ACTN1: variants seen among roughly 807,000 people sequenced by gnomAD.
The protein encoded by ACTN1 is actinin alpha 1.
ACTN1 carries 30 observed loss-of-function variants against 119.6 expected under a neutral mutation model. That is an observed-to-expected ratio of 0.25 (90% CI 0.19 to 0.34). The LOEUF (loss-of-function observed/expected upper bound fraction) is 0.34, where lower values mean the gene tolerates loss of function less well. ACTN1 is among the 10% of genes least tolerant of loss of function. The pLI is 1.00. For synonymous variants in ACTN1, 429 were observed against 472.6 expected, an observed-to-expected ratio of 0.91 and a Z score of 1.20; for missense variants, 764 against 1,223.4, an observed-to-expected ratio of 0.62 and a Z score of 5.60.
rs143375732 is a variant in ACTN1, at chr14:68,959,916, C to T, written c.105+19036G>A. Among the ~76,000 whole-genome samples, 509 of 152,298 alleles carry T rather than the reference C, an allele frequency of 3.3e-3. 2 individuals are homozygous for T. The highest frequency in any genetic ancestry group is 0.011 in the African/African-American group (471 of 41,566). On this transcript the variant is annotated intron_variant, in intron 1 of 21. Coordinates refer to ENST00000394419, the MANE Select transcript of ACTN1 (RefSeq NM_001130004.2). ...GTTGTAGCCCAGTGTTGACTATAAGCCTTACCTATAACATAAACATTTGAT... is the reference window on the plus strand; with the variant it reads ...GTTGTAGCCCAGTGTTGACTATAAGTCTTACCTATAACATAAACATTTGAT...
At position 68,878,543 on chromosome 14, in the gene ACTN1, C is replaced by A. The variant is rs541973918; in HGVS notation, c.2362-20G>T. The A allele has an allele frequency of 8.2e-5, 132 of 1,611,632 alleles. No individual in the cohort carries two copies. Among genetic ancestry groups the A allele is most frequent in the Middle Eastern group, 3.3e-4 (2 of 6,056 alleles). ...CTTCTTCTGTGGGGGGCAGTGGTAC[C>A]AAGACACAAGGAGGGTCGGGAAGGC... On this transcript the variant is annotated intron_variant, in intron 19 of 21. Coordinates refer to ENST00000394419, the MANE Select transcript of ACTN1 (RefSeq NM_001130004.2). This position sits in a 1 kb window ranked among gnomAD's most constrained non-coding sequence, Gnocchi z 4.4.
chr14:68,962,606 C>A (rs529179652), intron 1 of ACTN1, among the ~76,000 whole-genome samples: 1 of 152,324 alleles, frequency 6.6e-6, no homozygotes, highest in South Asian at 2.1e-4. Context: ...ATGAAACTCT[C>A]GCCCAACCAT....
intron 1 of ACTN1, among the ~76,000 whole-genome samples, chr14:68,962,552 C>A (rs2036573815): frequency 1.3e-5 from 2 of 152,320 alleles, no homozygotes; most frequent in South Asian, 2.1e-4. Context: ...ACACCCCAGC[C>A]CTGCCTGCTT....
Position 68,979,127 on chromosome 14 carries a change from C to T in ACTN1, c.-71G>A. The T allele has an allele frequency of 1.5e-6, 1 of 682,782 alleles. No individual in the cohort carries two copies. Among genetic ancestry groups the T allele is most frequent in the Non-Finnish European group, 2.3e-6 (1 of 429,300 alleles). 42.3% of individuals were successfully genotyped at this position (682,782 alleles called of 1,614,324 possible). On this transcript the variant is annotated 5_prime_UTR_variant, in exon 1 of 22. Coordinates refer to ENST00000394419, the MANE Select transcript of ACTN1 (RefSeq NM_001130004.2). ...CTCTGAGCAACGGCTGCTGCCCTGG[C>T]GTGGGGAGGGAGTAGGGCTGGGCTG... is the stretch of plus-strand genomic sequence containing the variant.
Position 68,880,076 on chromosome 14 carries a change from G to C in ACTN1, c.2166C>G (p.Thr722=). 1 of 1,614,154 alleles carries C rather than the reference G, an allele frequency of 6.2e-7. No homozygotes were observed. The change falls in exon 18 of 22, where the codon ACC becomes ACG. Residue 722 remains threonine (T), a synonymous_variant. Transcript: ENST00000394419. This position sits in a 1 kb window ranked among gnomAD's most constrained non-coding sequence, Gnocchi z 4.6. The part of the protein sequence containing the change: ...HIRVGWEQLL[T]TIARTINEVE... The stretch of plus-strand genomic sequence containing the variant: ...CCTCATTGATGGTCCTGGCGATGGT[G>C]GTGAGCAGCTGCTCCCAGCCCACAC...
chr14:68,887,847 T>C (rs1485481207), intron 11 of ACTN1: 16 of 836,178 alleles, frequency 1.9e-5, no homozygotes, highest in Non-Finnish European at 3.2e-5. Context: ...TCACTTTTCA[T>C]TTCCCCGTTT....
At position 68,882,991 on chromosome 14, in the gene ACTN1, G is replaced by T; in HGVS notation, c.1700C>A (p.Ala567Asp). 1 of 1,614,212 alleles carries T rather than the reference G, an allele frequency of 6.2e-7. No individual in the cohort carries two copies. Among genetic ancestry groups the T allele is most frequent in the Non-Finnish European group, 8.5e-7 (1 of 1,180,052 alleles). Residue 567 changes from alanine (A) to aspartate (D), a missense_variant, in exon 15 of 22, where the codon GCC becomes GAC. Physicochemically the swap from Ala to Asp is moderately radical, Grantham distance 126. Coordinates refer to ENST00000394419, the MANE Select transcript of ACTN1 (RefSeq NM_001130004.2). This position sits in a 1 kb window ranked among gnomAD's most constrained non-coding sequence, Gnocchi z 4.5. ...TLPDADKERLAILGIHNEVSK... is the reference protein window; with the variant it reads ...TLPDADKERLDILGIHNEVSK... ...CACCTCATTGTGGATGCCCAGGATG[G>T]CCAGGCGCTCCTTGTCGGCATCAGG...
intron 1 of ACTN1, among the ~76,000 whole-genome samples, chr14:68,934,348 C>A (rs1004883235): frequency 1.5e-4 from 23 of 152,246 alleles, no homozygotes; most frequent in African/African-American, 5.5e-4. Flanking sequence ...CAATGAGGAA[C>A]CCACGTCAAT....
intron 1 of ACTN1, among the ~76,000 whole-genome samples, chr14:68,928,399 G>T (rs1013700427): frequency 6.6e-5 from 10 of 152,042 alleles, no homozygotes; most frequent in Non-Finnish European, 1.2e-4. Flanking sequence ...CCTTGAAGGG[G>T]GCTCTGGGCA....
chr14:68,918,954 T>G (rs1482647042), intron 3 of ACTN1, among the ~76,000 whole-genome samples: 2 of 152,190 alleles, frequency 1.3e-5, no homozygotes, highest in African/African-American at 2.4e-5. Context: ...CTGTAAAACG[T>G]GGCTGGTGAT....
chr14:68,906,251 G>A (rs551320749), intron 6 of ACTN1, among the ~76,000 whole-genome samples: 144 of 152,236 alleles, frequency 9.5e-4, no homozygotes, highest in African/African-American at 3.2e-3. Flanking sequence ...TTTGTATATT[G>A]TACCAGTTAT....
At chr14:68,884,963 G>T in intron 12 of ACTN1, 80 bp from the exon 13 acceptor site, 1 of 1,245,804 alleles carries the variant, frequency 8.0e-7, no homozygotes. Context: ...GGCTGTCAGT[G>T]GGGTGGCTGG....
intron 1 of ACTN1, among the ~76,000 whole-genome samples, chr14:68,959,502 C>G (rs887419509): frequency 8.5e-5 from 13 of 152,318 alleles, no homozygotes; most frequent in Admixed American, 7.8e-4. Context: ...GAAATAAACA[C>G]TTGATACTTC....
intron 8 of ACTN1, among the ~76,000 whole-genome samples, chr14:68,899,736 A>G (rs1459446214): frequency 6.6e-6 from 1 of 152,110 alleles, no homozygotes; most frequent in Admixed American, 6.5e-5. Flanking sequence ...GCCAGCACCA[A>G]TGGGCATGAA....
intron 1 of ACTN1, among the ~76,000 whole-genome samples, chr14:68,972,029 C>T (rs1369946549): frequency 6.6e-6 from 1 of 152,148 alleles, no homozygotes; most frequent in Admixed American, 6.5e-5. Flanking sequence ...AGCTGCCTCA[C>T]TTGGACTCCC....
intron 1 of ACTN1, among the ~76,000 whole-genome samples, chr14:68,956,744 G>C (rs1359024909): frequency 6.6e-6 from 1 of 152,066 alleles, no homozygotes; most frequent in African/African-American, 2.4e-5. Flanking sequence ...TCATCGCAAA[G>C]GAACCTCTCC....
In ACTN1 at chr14:68,908,201, G is replaced by A. The variant is rs534264234; in HGVS notation, c.594+1117C>T. On this transcript the variant is annotated intron_variant, in intron 6 of 21. Coordinates refer to ENST00000394419, the MANE Select transcript of ACTN1 (RefSeq NM_001130004.2). ...AGTGTGTATGGGGTGGGGGTGGGGC[G>A]GGGCACGGTGCAGGGAAGCGGGTAG... 9.2e-5 allele frequency among the ~76,000 whole-genome samples: 14 copies of A among 151,448 alleles called. No individual in the cohort carries two copies. In the South Asian group the frequency reaches 2.7e-3, roughly 29 times the overall value.
intron 8 of ACTN1, among the ~76,000 whole-genome samples, chr14:68,901,787 A>G (rs2033354808): frequency 6.6e-6 from 1 of 152,222 alleles, no homozygotes; most frequent in African/African-American, 2.4e-5. Context: ...CAGAACCTGC[A>G]CGACTGAACT....
intron 1 of ACTN1, among the ~76,000 whole-genome samples, chr14:68,948,577 T>C (rs1292399919): frequency 6.7e-6 from 1 of 148,554 alleles, no homozygotes; most frequent in Non-Finnish European, 1.5e-5. Flanking sequence ...GACTCCATCT[T>C]AAAAAAAAAA....
Sources: allele counts gnomAD v4.1 joint callset (sites outside exome capture counted in the v4.1 genomes callset), GRCh38; gene constraint gnomAD v4.1.1; non-coding constraint Gnocchi (gnomAD v3.1); transcripts MANE v1.5; gene names NCBI Gene and HGNC (gene_info 2026-07-23, HGNC 2026-07-21).